AKAP19: variants seen among roughly 807,000 people sequenced by gnomAD.
AKAP19 encodes the protein A-kinase anchoring protein 19.
chr2:190,137,787 A>G, the AKAP19 span: 1 of 152,292 alleles, frequency 6.6e-6, no homozygotes, highest in Admixed American at 6.5e-5. Context: ...ATCATTCAGG[A>G]GCTATCAGCC....
the AKAP19 span, among the ~76,000 whole-genome samples, chr2:189,972,864 A>T: frequency 6.6e-6 from 1 of 152,238 alleles, no homozygotes; most frequent in African/African-American, 2.4e-5. Context: ...GTTGCTTATC[A>T]GCTTAAGGAG....
At chr2:190,012,753 A>G in the AKAP19 span, among the ~76,000 whole-genome samples, 3 of 152,208 alleles carry the variant, frequency 2.0e-5, no homozygotes, top group East Asian at 3.8e-4. Flanking sequence ...GGCTTGTCAT[A>G]TATGGCCTTT....
the AKAP19 span, among the ~76,000 whole-genome samples, chr2:190,127,287 A>G: frequency 1.7e-4 from 26 of 152,058 alleles, no homozygotes; most frequent in Non-Finnish European, 3.5e-4. Flanking sequence ...GAATGCTCAT[A>G]TATCGGTGAA....
chr2:190,175,053 G>A, the AKAP19 span, among the ~76,000 whole-genome samples: 1 of 150,476 alleles, frequency 6.6e-6, no homozygotes, highest in African/African-American at 2.5e-5. Flanking sequence ...TGGTGGTGGG[G>A]GTAGGGGTGG....
At chr2:190,193,964 C>G in the AKAP19 span, among the ~76,000 whole-genome samples, 1 of 152,086 alleles carries the variant, frequency 6.6e-6, no homozygotes, top group Non-Finnish European at 1.5e-5. Flanking sequence ...TAATGCATTT[C>G]AAAATTTTGA....
At chr2:190,021,915 C>T in the AKAP19 span, among the ~76,000 whole-genome samples, 1 of 152,118 alleles carries the variant, frequency 6.6e-6, no homozygotes, top group Non-Finnish European at 1.5e-5. Context: ...GCCAAGAAGT[C>T]CGAGGCTGAG....
the AKAP19 span, among the ~76,000 whole-genome samples, chr2:189,959,726 T>C: frequency 6.6e-6 from 1 of 152,204 alleles, no homozygotes; most frequent in Non-Finnish European, 1.5e-5. Context: ...CAGCCAGCTG[T>C]GCATATCCTG....
the AKAP19 span, among the ~76,000 whole-genome samples, chr2:189,922,921 G>A: frequency 6.6e-6 from 1 of 152,056 alleles, no homozygotes; most frequent in Non-Finnish European, 1.5e-5. Flanking sequence ...AGGCTGAGGC[G>A]GATGGATTGC....
At chr2:189,949,631 CT>C in the AKAP19 span, among the ~76,000 whole-genome samples, 941 of 117,764 alleles carry the variant, frequency 8.0e-3, 17 homozygotes, top group African/African-American at 0.024. Flanking sequence ...CTTTTTCTTT[CT>C]TTTTTTTTTT....
At chr2:189,885,213 C>T in the AKAP19 span, among the ~76,000 whole-genome samples, 1 of 152,170 alleles carries the variant, frequency 6.6e-6, no homozygotes, top group African/African-American at 2.4e-5. Context: ...TAGATTATAA[C>T]AGACGTGATG....
chr2:189,956,742 CTAAT>C, the AKAP19 span, among the ~76,000 whole-genome samples: 1 of 152,106 alleles, frequency 6.6e-6, no homozygotes, highest in Non-Finnish European at 1.5e-5. Flanking sequence ...CCATGTCTGA[CTAAT>C]TAATTTTTTA....
At chr2:189,965,866 CTT>C in the AKAP19 span, among the ~76,000 whole-genome samples, 1 of 152,116 alleles carries the variant, frequency 6.6e-6, no homozygotes, top group Non-Finnish European at 1.5e-5. Flanking sequence ...TAGAAGCACA[CTT>C]TGCAATTGCA....
At chr2:190,105,608 A>G in the AKAP19 span, among the ~76,000 whole-genome samples, 1 of 152,322 alleles carries the variant, frequency 6.6e-6, no homozygotes, top group South Asian at 2.1e-4. Flanking sequence ...CTCTGTCTGA[A>G]ATAATCCACT....
the AKAP19 span, among the ~76,000 whole-genome samples, chr2:189,939,101 T>G: frequency 6.6e-6 from 1 of 152,128 alleles, no homozygotes; most frequent in Non-Finnish European, 1.5e-5. Context: ...GAAGAAATAT[T>G]CCTGAGGACA....
the AKAP19 span, among the ~76,000 whole-genome samples, chr2:190,167,220 CAAGAG>C: frequency 2.0e-5 from 3 of 152,078 alleles, no homozygotes; most frequent in African/African-American, 7.2e-5. Flanking sequence ...TTGTGGCAGA[CAAGAG>C]AAAAGAGAGC....
the AKAP19 span, among the ~76,000 whole-genome samples, chr2:189,919,036 G>A: frequency 1.3e-5 from 2 of 152,274 alleles, no homozygotes; most frequent in Non-Finnish European, 1.5e-5. Flanking sequence ...TAATTCATAA[G>A]TTTTAAATTT....
chr2:189,937,043 G>A, the AKAP19 span, among the ~76,000 whole-genome samples: 2 of 152,132 alleles, frequency 1.3e-5, no homozygotes, highest in Admixed American at 1.3e-4. Context: ...GCTGAGGCAG[G>A]GGTATGGTGT....
chr2:190,167,628 T>C, the AKAP19 span, among the ~76,000 whole-genome samples: 2 of 152,282 alleles, frequency 1.3e-5, 1 homozygote, highest in South Asian at 4.1e-4. Context: ...ACTGGGTAAA[T>C]ACAGCTGTTC....
At chr2:190,043,706 AG>A in the AKAP19 span, among the ~76,000 whole-genome samples, 1 of 152,100 alleles carries the variant, frequency 6.6e-6, no homozygotes, top group Non-Finnish European at 1.5e-5. Context: ...CAGCCAGTTC[AG>A]TCTGGTTAAG....
Sources: gnomAD v4.1 joint callset for allele counts (sites outside exome capture counted in the v4.1 genomes callset) on GRCh38, gnomAD v4.1.1 for gene constraint, MANE v1.5 for transcripts, NCBI Gene and HGNC (gene_info 2026-07-23, HGNC 2026-07-21) for gene names.